RAP2A: variants seen among roughly 807,000 people sequenced by gnomAD.
RAP2A encodes the protein ras-related protein Rap-2a.
In RAP2A, 5 loss-of-function variants were observed where a neutral mutation model predicts 15.1. The ratio of observed to expected loss-of-function variants is 0.33; its 90% confidence interval spans 0.17 to 0.70. RAP2A has a LOEUF of 0.70. RAP2A is among the 30% of genes least tolerant of loss of function. RAP2A has a pLI of 0.68. For synonymous variants in RAP2A, 110 were observed against 99.7 expected, an observed-to-expected ratio of 1.10 and a Z score of -0.62; for missense variants, 111 against 240.3, an observed-to-expected ratio of 0.46 and a Z score of 3.56.
At chr13:97,461,276 T>A (rs2066745040) in intron 1 of RAP2A, among the ~76,000 whole-genome samples, 2 of 152,200 alleles carry the variant, frequency 1.3e-5, no homozygotes. Flanking sequence ...TTTATCACCG[T>A]CTGGTATTCT....
Position 97,451,799 on chromosome 13 carries a change from A to G in RAP2A, c.315-12406A>G, listed in dbSNP as rs753065800. Among the ~76,000 whole-genome samples the G allele has an allele frequency of 1.3e-5, 2 of 151,324 alleles. 1 individual carries two copies. The highest frequency in any genetic ancestry group is 3.0e-5 in the Non-Finnish European group (2 of 67,786). On this transcript the variant is annotated intron_variant, in intron 1 of 1. Transcript: ENST00000245304. ...TATTCCACATCCTAACCAACATTTG[A>G]TCAAGTCAGTCTTTTTAATTTTAAT...
chr13:97,449,867 T>A (rs553705860), intron 1 of RAP2A, among the ~76,000 whole-genome samples: 1 of 152,274 alleles, frequency 6.6e-6, no homozygotes, highest in East Asian at 1.9e-4. Flanking sequence ...CTCTTCCTCT[T>A]CTGAGTTGTT....
chr13:97,443,410 C>T (rs2066666093), intron 1 of RAP2A, among the ~76,000 whole-genome samples: 1 of 152,154 alleles, frequency 6.6e-6, no homozygotes, highest in Non-Finnish European at 1.5e-5. Context: ...TTTTAAGAGA[C>T]AGGGTCTTGT....
chr13:97,456,290 A>G (rs2066722786), intron 1 of RAP2A, among the ~76,000 whole-genome samples: 1 of 151,718 alleles, frequency 6.6e-6, no homozygotes, highest in South Asian at 2.1e-4. Context: ...AAACGGGAAA[A>G]CCAGGAAACT....
chr13:97,436,514 A>C (rs2066635144), intron 1 of RAP2A, among the ~76,000 whole-genome samples: 2 of 152,208 alleles, frequency 1.3e-5, no homozygotes, highest in Non-Finnish European at 2.9e-5. Flanking sequence ...GCACATATAC[A>C]CTGATAAAGC....
chr13:97,462,012 T>G (rs943660968), intron 1 of RAP2A, among the ~76,000 whole-genome samples: 224 of 145,080 alleles, frequency 1.5e-3, no homozygotes, highest in African/African-American at 5.5e-3. Context: ...ATTTATATAT[T>G]TATATAGATA....
chr13:97,451,150 C>CA lies in RAP2A; in HGVS notation c.315-13053dup, dbSNP rs1260780085. On this transcript the variant is annotated intron_variant, in intron 1 of 1. Coordinates refer to ENST00000245304, the MANE Select transcript of RAP2A (RefSeq NM_021033.7). ...GCCTTCCGTGATGTAAACACACAGCCAACAGGCATGTGCATGCAATTTGTC... is the reference window on the plus strand; with the variant it reads ...GCCTTCCGTGATGTAAACACACAGCCAAACAGGCATGTGCATGCAATTTGTC... Among the ~76,000 whole-genome samples the CA allele has an allele frequency of 2.0e-5, 3 of 152,174 alleles. No homozygotes were observed. The East Asian group carries it at 5.8e-4, about 29-fold the overall frequency.
intron 1 of RAP2A, among the ~76,000 whole-genome samples, chr13:97,461,282 A>C (rs903595153): frequency 6.6e-5 from 10 of 152,216 alleles, no homozygotes; most frequent in African/African-American, 1.9e-4. Flanking sequence ...ACCGTCTGGT[A>C]TTCTGAAATG....
chr13:97,461,600 A>G (rs1455613277), intron 1 of RAP2A, among the ~76,000 whole-genome samples: 4 of 152,180 alleles, frequency 2.6e-5, no homozygotes, highest in Non-Finnish European at 5.9e-5. Flanking sequence ...TTTATTTGCA[A>G]GTTTTGAAAA....
intron 1 of RAP2A, among the ~76,000 whole-genome samples, chr13:97,451,850 C>T (rs1348525488): frequency 2.0e-5 from 3 of 151,302 alleles, no homozygotes; most frequent in Non-Finnish European, 4.4e-5. Flanking sequence ...CTAGGAACCT[C>T]AGTGTGATTT....
intron 1 of RAP2A, among the ~76,000 whole-genome samples, chr13:97,463,064 T>C (rs1484096757): frequency 6.6e-6 from 1 of 152,196 alleles, no homozygotes; most frequent in Admixed American, 6.5e-5. Flanking sequence ...GATCTTGCTG[T>C]TTAGCTCCTT....
At chr13:97,448,659 C>T (rs2066689687) in intron 1 of RAP2A, among the ~76,000 whole-genome samples, 1 of 152,198 alleles carries the variant, frequency 6.6e-6, no homozygotes, top group African/African-American at 2.4e-5. Context: ...TACACTTCAT[C>T]TTAATTTTCC....
chr13:97,434,360 CGGCAGCGGGA>C lies in RAP2A; in HGVS notation c.-107_-98del, dbSNP rs1421927594. 1 of 870,550 alleles carries C rather than the reference CGGCAGCGGGA, an allele frequency of 1.1e-6. No individual in the cohort carries two copies. The highest frequency in any genetic ancestry group is 1.4e-6 in the Non-Finnish European group (1 of 732,556). The allele number at this position is 870,550 out of a possible 1,614,324, so 53.9% of individuals were successfully genotyped here. A position where few individuals can be genotyped will look rare whatever the true frequency, so the allele number is the denominator to read the frequency against. On this transcript the variant is annotated 5_prime_UTR_variant, in exon 1 of 2. An upstream open reading frame in the 5' UTR loses its in-frame stop. Coordinates refer to ENST00000245304, the MANE Select transcript of RAP2A (RefSeq NM_021033.7). ...GGCCGCCGCGGCTGTGAGGTGGGGG[CGGCAGCGGGA>C]GGCGGCGGGGCGGGCCGCCGGGGCC...
chr13:97,468,263 A>G lies in RAP2A; in HGVS notation c.*3821A>G, dbSNP rs1594330935. The stretch of plus-strand genomic sequence containing the variant: ...ATTTTGAATGGTAGCTGGTTAATTT[A>G]AAGCCTGATGCTAAGGTTAACAGAA... On this transcript the variant is annotated 3_prime_UTR_variant, in exon 2 of 2. Coordinates refer to ENST00000245304, the MANE Select transcript of RAP2A (RefSeq NM_021033.7). 1 of 152,252 alleles carries G rather than the reference A, an allele frequency of 6.6e-6. No homozygotes were observed. The highest frequency in any genetic ancestry group is 2.4e-5 in the African/African-American group (1 of 41,482). 9.4% of individuals were successfully genotyped at this position (152,252 alleles called of 1,614,324 possible). A position where few individuals can be genotyped will look rare whatever the true frequency, so the allele number is the denominator to read the frequency against.
intron 1 of RAP2A, among the ~76,000 whole-genome samples, chr13:97,438,477 A>C (rs1321427297): frequency 6.6e-6 from 1 of 152,138 alleles, no homozygotes; most frequent in Non-Finnish European, 1.5e-5. Flanking sequence ...ACCCATTTAT[A>C]CCGGAGGTTG....
chr13:97,457,144 T>C (rs2066726286), intron 1 of RAP2A, among the ~76,000 whole-genome samples: 1 of 152,124 alleles, frequency 6.6e-6, no homozygotes, highest in Admixed American at 6.5e-5. Flanking sequence ...ACTGAAACTT[T>C]GTGTGTGTCT....
At chr13:97,452,179 G>A (rs2066704680) in intron 1 of RAP2A, among the ~76,000 whole-genome samples, 1 of 150,814 alleles carries the variant, frequency 6.6e-6, no homozygotes, top group South Asian at 2.1e-4. Context: ...TCCTTTTTGT[G>A]TCCTGTTTAA....
chr13:97,443,776 A>AT (rs1229211737), intron 1 of RAP2A, among the ~76,000 whole-genome samples: 1 of 152,198 alleles, frequency 6.6e-6, no homozygotes, highest in Non-Finnish European at 1.5e-5. Flanking sequence ...TTTATTGTAT[A>AT]TACTTATCTT....
intron 1 of RAP2A, among the ~76,000 whole-genome samples, chr13:97,452,023 G>A (rs2066704074): frequency 6.6e-6 from 1 of 150,856 alleles, no homozygotes; most frequent in South Asian, 2.1e-4. Context: ...ATACATTCTG[G>A]ACACAAGTTC....
Sources: allele counts gnomAD v4.1 joint callset (sites outside exome capture counted in the v4.1 genomes callset), GRCh38; gene constraint gnomAD v4.1.1; transcripts MANE v1.5; gene names NCBI Gene and HGNC (gene_info 2026-07-23, HGNC 2026-07-21).